SCHIP1: variants seen among roughly 807,000 people sequenced by gnomAD.
The protein encoded by SCHIP1 is schwannomin interacting protein 1, also known as schwannomin-interacting protein 1.
Under a neutral mutation model 29.7 loss-of-function variants are expected in SCHIP1, and 8 were observed. That is an observed-to-expected ratio of 0.27 (90% CI 0.16 to 0.49). The LOEUF is 0.49. SCHIP1 is among the 20% of genes least tolerant of loss of function. SCHIP1 has a pLI of 0.99. For synonymous variants in SCHIP1, 76 were observed against 94.9 expected (o/e 0.80, Z 1.16); for missense variants, 193 against 294.6 (o/e 0.66, Z 2.52).
At chr3:159,381,455 C>A in the SCHIP1 span, among the ~76,000 whole-genome samples, 1 of 152,096 alleles carries the variant, frequency 6.6e-6, no homozygotes, top group Admixed American at 6.6e-5. Flanking sequence ...ATCCTCGACA[C>A]CTTTTGTCTT....
the SCHIP1 span, among the ~76,000 whole-genome samples, chr3:159,514,260 A>G: frequency 6.6e-6 from 1 of 152,214 alleles, no homozygotes; most frequent in African/African-American, 2.4e-5. Flanking sequence ...TGCAAAAAAA[A>G]TCAACTGATG....
At chr3:159,492,226 C>A in the SCHIP1 span, among the ~76,000 whole-genome samples, 333 of 152,306 alleles carry the variant, frequency 2.2e-3, 1 homozygote, top group Admixed American at 5.6e-3. Flanking sequence ...AGCTCCCTAG[C>A]AGCAACGGAA....
chr3:159,617,684 C>T, the SCHIP1 span, among the ~76,000 whole-genome samples: 1 of 152,184 alleles, frequency 6.6e-6, no homozygotes, highest in Non-Finnish European at 1.5e-5. Context: ...TCTTTAGGCT[C>T]ACTCATTTCT....
chr3:159,694,231 A>C, the SCHIP1 span, among the ~76,000 whole-genome samples: 30 of 150,402 alleles, frequency 2.0e-4, no homozygotes, highest in Non-Finnish European at 2.8e-4. Context: ...CATGCCTAAC[A>C]CTAACCCTAA....
At chr3:159,506,785 G>C in the SCHIP1 span, among the ~76,000 whole-genome samples, 198 of 152,132 alleles carry the variant, frequency 1.3e-3, 2 homozygotes, top group Non-Finnish European at 2.4e-3. Context: ...GTAGACGTGT[G>C]GTATTATTTC....
the SCHIP1 span, among the ~76,000 whole-genome samples, chr3:159,372,404 A>AAT: frequency 2.6e-5 from 4 of 152,128 alleles, no homozygotes. Flanking sequence ...AGAAATAGAT[A>AAT]ATTTTAAAAA....
At chr3:159,377,132 G>C in the SCHIP1 span, among the ~76,000 whole-genome samples, 2 of 152,088 alleles carry the variant, frequency 1.3e-5, no homozygotes, top group Non-Finnish European at 2.9e-5. Context: ...TAGATTAACC[G>C]TTCAGCTAGA....
chr3:159,609,196 A>G, the SCHIP1 span, among the ~76,000 whole-genome samples: 3 of 152,172 alleles, frequency 2.0e-5, no homozygotes, highest in Admixed American at 2.0e-4. Context: ...AAGGTTCCAC[A>G]AAGGAAGAGC....
chr3:159,353,724 A>G, the SCHIP1 span, among the ~76,000 whole-genome samples: 1 of 152,308 alleles, frequency 6.6e-6, no homozygotes, highest in Non-Finnish European at 1.5e-5. Flanking sequence ...AAGTACAGGT[A>G]TTTTAAAATT....
At chr3:159,367,316 G>T in the SCHIP1 span, among the ~76,000 whole-genome samples, 1 of 151,770 alleles carries the variant, frequency 6.6e-6, no homozygotes, top group African/African-American at 2.4e-5. Context: ...TGCTTGAACC[G>T]GGGAGGCAGA....
chr3:159,876,998 T>A (rs1001206721), intron 2 of SCHIP1, among the ~76,000 whole-genome samples: 57 of 152,202 alleles, frequency 3.7e-4, no homozygotes, highest in African/African-American at 1.4e-3. Flanking sequence ...TGTGGGCTGA[T>A]AGAGTTAAGT....
the SCHIP1 span, among the ~76,000 whole-genome samples, chr3:159,471,250 G>C: frequency 1.3e-5 from 2 of 152,080 alleles, no homozygotes; most frequent in South Asian, 2.1e-4. Context: ...TAAAGCAGTG[G>C]CTTATTTACA....
intron 2 of SCHIP1, among the ~76,000 whole-genome samples, chr3:159,875,952 C>T (rs74391737): frequency 0.075 from 11,358 of 152,162 alleles, 641 homozygotes; most frequent in South Asian, 0.21. Context: ...CAAAACAAAC[C>T]ATGAAAGAGA....
the SCHIP1 span, among the ~76,000 whole-genome samples, chr3:159,343,087 C>A: frequency 6.6e-6 from 1 of 152,044 alleles, no homozygotes; most frequent in Non-Finnish European, 1.5e-5. Flanking sequence ...TCTTATTTCA[C>A]CCTCATAATA....
chr3:159,849,421 C>G (rs1273286055), intron 1 of SCHIP1, among the ~76,000 whole-genome samples: 2 of 152,062 alleles, frequency 1.3e-5, no homozygotes, highest in South Asian at 2.1e-4. Flanking sequence ...TAATTTCATC[C>G]ATGTTAGCTA....
At chr3:159,545,642 T>C in the SCHIP1 span, among the ~76,000 whole-genome samples, 1 of 147,814 alleles carries the variant, frequency 6.8e-6, no homozygotes, top group East Asian at 1.9e-4. Context: ...ATATATACAA[T>C]ATACATATAT....
At chr3:159,373,060 A>G in the SCHIP1 span, among the ~76,000 whole-genome samples, 7 of 151,884 alleles carry the variant, frequency 4.6e-5, no homozygotes, top group Non-Finnish European at 1.0e-4. Flanking sequence ...AATTTTTCTG[A>G]AAAAAGGGTA....
chr3:159,764,822 C>A, the SCHIP1 span: 1 of 1,588,038 alleles, frequency 6.3e-7, no homozygotes. The surrounding 1 kb of genome is among the most constrained non-coding windows in gnomAD (Gnocchi z 6.1). Flanking sequence ...CCCCCGGTGC[C>A]CAACGGCAAC....
chr3:159,783,480 C>G, the SCHIP1 span, among the ~76,000 whole-genome samples: 4 of 152,244 alleles, frequency 2.6e-5, no homozygotes, highest in African/African-American at 9.6e-5. Context: ...TGAGTCTGCA[C>G]TTCATTTGTG....
Sources: gnomAD v4.1 joint callset for allele counts (sites outside exome capture counted in the v4.1 genomes callset) on GRCh38, gnomAD v4.1.1 for gene constraint, Gnocchi (gnomAD v3.1) non-coding constraint, MANE v1.5 for transcripts, NCBI Gene and HGNC (gene_info 2026-07-23, HGNC 2026-07-21) for gene names.